The following CERT1 variants were observed in gnomAD, a reference collection of about 807,000 sequenced individuals.
The protein encoded by CERT1 is ceramide transporter 1, also known as ceramide transfer protein.
In CERT1, 31 loss-of-function variants were observed where a neutral mutation model predicts 87.9. The observed-to-expected ratio is 0.35, with a 90% CI of 0.27 to 0.48. CERT1 has a LOEUF of 0.48. CERT1 is among the 20% of genes least tolerant of loss of function. The pLI, the probability that CERT1 is intolerant of heterozygous loss-of-function variation, is 0.99. For synonymous variants in CERT1, 289 were observed against 250.9 expected, an observed-to-expected ratio of 1.15 and a Z score of -1.44; for missense variants, 487 against 758.0, an observed-to-expected ratio of 0.64 and a Z score of 4.20.
chr5:75,406,182 C>G (rs1272014470), intron 8 of CERT1, among the ~76,000 whole-genome samples: 1 of 152,226 alleles, frequency 6.6e-6, no homozygotes, highest in African/African-American at 2.4e-5. Context: ...GTCTCTTAAC[C>G]ATTCTTTCCT....
Position 75,381,957 on chromosome 5 carries a change from T to A in CERT1, c.1609A>T (p.Ser537Cys). 6.2e-7 allele frequency: 1 copy of A among 1,612,748 alleles called. No homozygotes were observed. Among genetic ancestry groups the A allele is most frequent in the Non-Finnish European group, 8.5e-7 (1 of 1,179,330 alleles). The change falls in exon 15 of 17, where the codon AGT (serine) becomes TGT (cysteine). Residue 537 changes from serine (S) to cysteine (C), a missense_variant. By Grantham distance (112) the Ser-to-Cys change is moderately radical (BLOSUM62 -1). Coordinates refer to ENST00000643780, the MANE Select transcript of CERT1 (RefSeq NM_001379029.1). The stretch of plus-strand genomic sequence containing the variant: ...TATATACATGTACTTACAGGAGCAC[T>A]GTCATGATCCACAGAAAAATTACAA... ...IVCNFSVDHD[S>C]APLNNRCVRA...
At chr5:75,495,296 C>A (rs1291542802) in intron 2 of CERT1, among the ~76,000 whole-genome samples, 6 of 152,186 alleles carry the variant, frequency 3.9e-5, no homozygotes, top group Admixed American at 3.9e-4. Context: ...GTGGCTCATG[C>A]CTGTAATCCC....
At chr5:75,497,195 G>GT (rs140311513) in intron 2 of CERT1, among the ~76,000 whole-genome samples, 2 of 152,278 alleles carry the variant, frequency 1.3e-5, no homozygotes, top group East Asian at 3.9e-4. Flanking sequence ...CCCGGCTCTA[G>GT]TGAGTCAACT....
chr5:75,394,392 T>C (rs892612776), intron 11 of CERT1, among the ~76,000 whole-genome samples: 4 of 152,112 alleles, frequency 2.6e-5, no homozygotes, highest in South Asian at 2.1e-4. Context: ...TGGTGGCCCA[T>C]GCCTGTAGTC....
intron 5 of CERT1, among the ~76,000 whole-genome samples, chr5:75,421,145 T>A (rs946963573): frequency 6.6e-6 from 1 of 152,188 alleles, no homozygotes; most frequent in African/African-American, 2.4e-5. Flanking sequence ...ACTCCCTTTA[T>A]AAAGAAGGAA....
At chr5:75,422,736 C>T (rs1247777839) in intron 5 of CERT1, among the ~76,000 whole-genome samples, 2 of 152,252 alleles carry the variant, frequency 1.3e-5, no homozygotes, top group East Asian at 1.9e-4. Flanking sequence ...CCTTAATCTC[C>T]AGTACCTTAG....
chr5:75,429,522 T>C (rs900587135), intron 3 of CERT1, among the ~76,000 whole-genome samples: 1 of 152,102 alleles, frequency 6.6e-6, no homozygotes, highest in African/African-American at 2.4e-5. Context: ...TGGAATTCTT[T>C]AAACCTCCTG....
In CERT1 at chr5:75,511,614, G is replaced by A; in HGVS notation, c.-407C>T. Reference sequence around the variant, plus strand: ...CCTCCGCTACCGCCGCCATCTTCCTGCCTGGCCCACTATTTACCCTCCCCT... The same window carrying A: ...CCTCCGCTACCGCCGCCATCTTCCTACCTGGCCCACTATTTACCCTCCCCT... On this transcript the variant is annotated 5_prime_UTR_variant, in exon 1 of 17. Transcript: ENST00000643780. 1 of 1,474,294 alleles carries A rather than the reference G, an allele frequency of 6.8e-7. No homozygotes were observed. The highest frequency in any genetic ancestry group is 9.0e-7 in the Non-Finnish European group (1 of 1,111,490). The allele number at this position is 1,474,294 out of a possible 1,614,324, so 91.3% of individuals were successfully genotyped here.
At chr5:75,439,463 G>T (rs1764228579) in intron 3 of CERT1, among the ~76,000 whole-genome samples, 1 of 152,004 alleles carries the variant, frequency 6.6e-6, no homozygotes, top group African/African-American at 2.4e-5. Flanking sequence ...AATTGAGAGA[G>T]AAATTAAGTA....
At chr5:75,374,530 G>A (rs1761212578), downstream of CERT1, 2 of 718,394 alleles carry the variant, frequency 2.8e-6, no homozygotes, top group Admixed American at 3.5e-5. Context: ...CCTGTTTGCT[G>A]CACGAACCGT....
At position 75,511,527 on chromosome 5, in the gene CERT1, G is replaced by A; in HGVS notation, c.-320C>T. 6.8e-7 allele frequency: 1 copy of A among 1,466,270 alleles called. No individual in the cohort carries two copies. Among genetic ancestry groups the A allele is most frequent in the Non-Finnish European group, 9.0e-7 (1 of 1,110,516 alleles). 90.8% of individuals were successfully genotyped at this position (1,466,270 alleles called of 1,614,324 possible). A position where few individuals can be genotyped will look rare whatever the true frequency, so the allele number is the denominator to read the frequency against. ...CCCCCTCGATGCCAATTTCAAATAG[G>A]GAAGGAAAAGGGAAAAGAAGGGAAG... On this transcript the variant is annotated 5_prime_UTR_variant, in exon 1 of 17. Coordinates refer to ENST00000643780, the MANE Select transcript of CERT1 (RefSeq NM_001379029.1).
chr5:75,439,213 A>G (rs10474436), intron 3 of CERT1, among the ~76,000 whole-genome samples: 49,777 of 151,662 alleles, frequency 0.33, 9,432 homozygotes, highest in African/African-American at 0.53. Context: ...TGAACAAAAA[A>G]AAAAAGCCAA....
At chr5:75,405,776 AAATT>A (rs1325750239) in intron 8 of CERT1, among the ~76,000 whole-genome samples, 1 of 152,152 alleles carries the variant, frequency 6.6e-6, no homozygotes, top group Non-Finnish European at 1.5e-5. Flanking sequence ...GTTAAAATAA[AAATT>A]AAACTTTATC....
intron 17 of CERT1, chr5:75,369,489 G>A (rs1254711399): frequency 6.6e-6 from 1 of 151,954 alleles, no homozygotes; most frequent in African/African-American, 2.4e-5. Flanking sequence ...TTACACATAG[G>A]CATTAAAAAG....
At chr5:75,407,286 A>C (rs1762743976) in intron 8 of CERT1, among the ~76,000 whole-genome samples, 1 of 152,058 alleles carries the variant, frequency 6.6e-6, no homozygotes, top group African/African-American at 2.4e-5. Flanking sequence ...TAATATATTT[A>C]GAAGAGACCA....
At chr5:75,386,465 G>A (rs1244770481) in intron 12 of CERT1, among the ~76,000 whole-genome samples, 1 of 152,222 alleles carries the variant, frequency 6.6e-6, no homozygotes, top group African/African-American at 2.4e-5. Flanking sequence ...TAGGCACTCA[G>A]TTATTTGTTA....
chr5:75,410,644 A>G (rs1444390758), intron 8 of CERT1: 1 of 153,542 alleles, frequency 6.5e-6, no homozygotes, highest in Non-Finnish European at 1.4e-5. Flanking sequence ...TATAGTACAG[A>G]CTAAAATCTT....
intron 2 of CERT1, among the ~76,000 whole-genome samples, chr5:75,496,929 G>A (rs369439985): frequency 6.6e-6 from 1 of 151,934 alleles, no homozygotes; most frequent in African/African-American, 2.4e-5. Context: ...GAATTTGACC[G>A]TGTGTAAATT....
chr5:75,435,201 C>T (rs568055902), intron 3 of CERT1, among the ~76,000 whole-genome samples: 17 of 152,288 alleles, frequency 1.1e-4, no homozygotes, highest in Non-Finnish European at 2.1e-4. Context: ...CTATGAGATT[C>T]TTTCTTCAGC....
Sources: allele counts gnomAD v4.1 joint callset (sites outside exome capture counted in the v4.1 genomes callset), GRCh38; gene constraint gnomAD v4.1.1; transcripts MANE v1.5; gene names NCBI Gene and HGNC (gene_info 2026-07-23, HGNC 2026-07-21).